PATJ: variants seen among roughly 807,000 people sequenced by gnomAD.
PATJ encodes the protein inaD-like protein.
In PATJ, 190 loss-of-function variants were observed where a neutral mutation model predicts 224.9. The ratio of observed to expected loss-of-function variants is 0.84; its 90% confidence interval spans 0.75 to 0.95. The LOEUF is 0.95. PATJ is among the 40% of genes least tolerant of loss of function. PATJ has a pLI of 0.00. For synonymous variants in PATJ, 769 were observed against 820.3 expected, an observed-to-expected ratio of 0.94 and a Z score of 1.07; for missense variants, 2,121 against 2,270.3, an observed-to-expected ratio of 0.93 and a Z score of 1.34.
At chr1:62,092,394 T>A (rs866553161) in intron 33 of PATJ, among the ~76,000 whole-genome samples, 2 of 151,118 alleles carry the variant, frequency 1.3e-5, no homozygotes, top group African/African-American at 4.9e-5. Flanking sequence ...AAAAAAAAAA[T>A]GTGATTCAAG....
intron 21 of PATJ, 151 bp from the exon 22 acceptor site, chr1:61,884,086 T>C (rs964653302): frequency 3.1e-5 from 14 of 452,664 alleles, no homozygotes; most frequent in African/African-American, 2.2e-4. Flanking sequence ...CATCATCTGA[T>C]ATATTAAAGC....
intron 28 of PATJ, among the ~76,000 whole-genome samples, chr1:61,992,475 T>G (rs756691453): frequency 6.6e-6 from 1 of 152,190 alleles, no homozygotes; most frequent in Non-Finnish European, 1.5e-5. Flanking sequence ...TCCTGATTTT[T>G]GATGCTTTAG....
intron 34 of PATJ, among the ~76,000 whole-genome samples, chr1:62,111,287 T>C (rs1663780717): frequency 6.6e-6 from 1 of 152,180 alleles, no homozygotes; most frequent in African/African-American, 2.4e-5. Flanking sequence ...GGAAAATAAC[T>C]CAGACCACAT....
chr1:61,787,324 T>C (rs942486225), intron 7 of PATJ, among the ~76,000 whole-genome samples: 2 of 152,238 alleles, frequency 1.3e-5, no homozygotes, highest in African/African-American at 4.8e-5. Context: ...CATTTTCTTG[T>C]AGCCGCACTG....
chr1:62,136,329 GC>G (rs1197850014), intron 41 of PATJ, among the ~76,000 whole-genome samples: 1 of 151,984 alleles, frequency 6.6e-6, no homozygotes, highest in Non-Finnish European at 1.5e-5. Flanking sequence ...GCCACGCCCA[GC>G]CCGATCATTA....
intron 27 of PATJ, among the ~76,000 whole-genome samples, chr1:61,930,162 T>TC (rs1374985904): frequency 1.3e-5 from 2 of 152,162 alleles, no homozygotes; most frequent in African/African-American, 4.8e-5. Flanking sequence ...TTTTTTTCCT[T>TC]CCCCGTGTAC....
At chr1:62,100,258 C>T in intron 33 of PATJ, 1 of 650,296 alleles carries the variant, frequency 1.5e-6, no homozygotes, top group South Asian at 1.8e-5. Flanking sequence ...TTTTCTGCTG[C>T]TATAACAGAA....
At position 61,949,225 on chromosome 1, in the gene PATJ, G is replaced by GA. The variant is rs956753788; in HGVS notation, c.3670+21405dup. Among the ~76,000 whole-genome samples the GA allele has an allele frequency of 1.2e-4, 18 of 147,816 alleles. No homozygotes were observed. The South Asian group carries it at 1.3e-3, about 11-fold the overall frequency. ...CTTAAAGTATAATAATAAAAAAAAA[G>GA]AAAAAAAAAGGAAGCCTGCTGCAAA... On this transcript the variant is annotated intron_variant, in intron 27 of 43. Coordinates refer to ENST00000642238, the MANE Select transcript of PATJ (RefSeq NM_001350145.3).
intron 31 of PATJ, among the ~76,000 whole-genome samples, chr1:62,051,549 A>G (rs998029251): frequency 6.6e-6 from 1 of 151,348 alleles, no homozygotes; most frequent in African/African-American, 2.4e-5. Flanking sequence ...CTGGTCTTGA[A>G]CTCCTGACCT....
chr1:61,829,179 C>T (rs1658871241), intron 16 of PATJ, among the ~76,000 whole-genome samples: 1 of 152,154 alleles, frequency 6.6e-6, no homozygotes, highest in Non-Finnish European at 1.5e-5. Flanking sequence ...ACTGTCAGCT[C>T]CTTGTGGGCA....
At chr1:61,826,807 G>A (rs1164442388) in intron 15 of PATJ, among the ~76,000 whole-genome samples, 1 of 152,126 alleles carries the variant, frequency 6.6e-6, no homozygotes, top group Non-Finnish European at 1.5e-5. Flanking sequence ...GCATGTAACT[G>A]ATGCAAAAGT....
At chr1:61,939,979 A>G (rs1677557280) in intron 27 of PATJ, among the ~76,000 whole-genome samples, 1 of 151,976 alleles carries the variant, frequency 6.6e-6, no homozygotes, top group South Asian at 2.1e-4. Flanking sequence ...CGGCCTATAT[A>G]TGCTTATTCT....
chr1:61,962,022 G>A (rs1236459416), intron 27 of PATJ, among the ~76,000 whole-genome samples: 1 of 150,690 alleles, frequency 6.6e-6, no homozygotes, highest in Admixed American at 6.6e-5. Flanking sequence ...GTCTCTGTTT[G>A]GTTGCAGCCC....
At chr1:61,976,647 A>G (rs915723749) in intron 27 of PATJ, among the ~76,000 whole-genome samples, 11 of 152,056 alleles carry the variant, frequency 7.2e-5, no homozygotes, top group African/African-American at 2.7e-4. Context: ...ACCTCAGGTA[A>G]TCCACCCACC....
chr1:62,122,048 G>A (rs2012694), intron 38 of PATJ, among the ~76,000 whole-genome samples: 26,016 of 151,676 alleles, frequency 0.17, 3,680 homozygotes, highest in East Asian at 0.73. Context: ...TTTGATTAAG[G>A]TAGAAAAAAA....
At chr1:62,119,021 A>G (rs532774145) in intron 37 of PATJ, among the ~76,000 whole-genome samples, 1 of 151,356 alleles carries the variant, frequency 6.6e-6, no homozygotes, top group South Asian at 2.1e-4. Flanking sequence ...AAAAAAACCT[A>G]TCGTCTCCAC....
chr1:62,148,478 G>T, intron 42 of PATJ, 88 bp downstream of exon 42: 1 of 914,922 alleles, frequency 1.1e-6, no homozygotes, highest in Non-Finnish European at 1.8e-6. Flanking sequence ...CTCTAAAGGA[G>T]AAGTGGCCAA....
At chr1:61,882,334 A>G (rs1175392913) in intron 21 of PATJ, among the ~76,000 whole-genome samples, 2 of 152,234 alleles carry the variant, frequency 1.3e-5, no homozygotes, top group African/African-American at 4.8e-5. Context: ...TATGGCTGAG[A>G]GAATAAGAAA....
At chr1:61,982,760 T>C (rs1286811065) in intron 27 of PATJ, among the ~76,000 whole-genome samples, 1 of 152,028 alleles carries the variant, frequency 6.6e-6, no homozygotes, top group Non-Finnish European at 1.5e-5. Flanking sequence ...AGTACTGACA[T>C]AATTTATGTG....
Sources: gnomAD v4.1 joint callset for allele counts (sites outside exome capture counted in the v4.1 genomes callset) on GRCh38, gnomAD v4.1.1 for gene constraint, MANE v1.5 for transcripts, NCBI Gene and HGNC (gene_info 2026-07-23, HGNC 2026-07-21) for gene names.